The following ATXN2L variants were observed in gnomAD, a reference collection of about 807,000 sequenced individuals.
ATXN2L encodes ataxin 2 like.
A neutral mutation model predicts 120.7 loss-of-function variants in ATXN2L; 24 were observed. That is an observed-to-expected ratio of 0.20 (90% CI 0.14 to 0.28). The LOEUF is 0.28. Among genes scored for constraint, ATXN2L ranks in the 10% least tolerant of loss-of-function variants. ATXN2L has a pLI of 1.00. For synonymous variants in ATXN2L, 653 were observed against 568.1 expected (o/e 1.15, Z -2.13); for missense variants, 1,312 against 1,432.3 (o/e 0.92, Z 1.36).
At chr16:28,834,290 G>A in intron 16 of ATXN2L, 53 bp from the exon 17 acceptor site, 2 of 1,612,072 alleles carry the variant, frequency 1.2e-6, no homozygotes, top group East Asian at 4.5e-5. Context: ...GGTCAGGCCT[G>A]TCTGGGCATT....
In ATXN2L at chr16:28,834,055, G is replaced by T; in HGVS notation, c.2026-10G>T. ...ATACAAAATAAAATTGTCCTCCCTT[G>T]TTTTTGCAGAATAAATCCACCAGTA... On this transcript the variant is annotated splice_polypyrimidine_tract_variant and intron_variant, in intron 15 of 21. Transcript: ENST00000336783. 1 of 1,611,122 alleles carries T rather than the reference G, an allele frequency of 6.2e-7. No individual in the cohort carries two copies. The highest frequency in any genetic ancestry group is 8.5e-7 in the Non-Finnish European group (1 of 1,179,004).
intron 8 of ATXN2L, among the ~76,000 whole-genome samples, chr16:28,830,343 C>T (rs774020122): frequency 3.3e-5 from 5 of 152,004 alleles, no homozygotes; most frequent in African/African-American, 4.8e-5. Context: ...CCTGGAACTA[C>T]GGTGTGATCC....
At chr16:28,824,776 C>T (rs1380924212) in intron 1 of ATXN2L, 1 of 204,282 alleles carries the variant, frequency 4.9e-6, no homozygotes, top group Non-Finnish European at 9.7e-6. Context: ...GCCTGCAGCC[C>T]TAGCCCCTTT....
intron 1 of ATXN2L, among the ~76,000 whole-genome samples, 148 bp from the exon 2 acceptor site, chr16:28,825,195 CAACAGAGGGAGACCCTGTCTCAA>C (rs1359539884): frequency 6.6e-6 from 1 of 152,120 alleles, no homozygotes; most frequent in Non-Finnish European, 1.5e-5. Flanking sequence ...CCAGCCTGGG[CAACAGAGGGAGACCCTGTCTCAA>C]AAAAAATAGA....
chr16:28,832,922 A>G, intron 13 of ATXN2L, 35 bp downstream of exon 13: 2 of 1,611,898 alleles, frequency 1.2e-6, no homozygotes, highest in Non-Finnish European at 1.7e-6. Context: ...TTAGCAGGGT[A>G]AAGGGGTTGG....
intron 1 of ATXN2L, chr16:28,823,968 A>T: frequency 2.5e-6 from 1 of 396,026 alleles, no homozygotes; most frequent in Non-Finnish European, 3.5e-6. Flanking sequence ...GCCGTAGCCA[A>T]TGGAGGGGGG....
chr16:28,828,604 A>G (rs2053157286), intron 6 of ATXN2L, among the ~76,000 whole-genome samples: 1 of 152,068 alleles, frequency 6.6e-6, no homozygotes, highest in South Asian at 2.1e-4. Context: ...AAAAAAAAAA[A>G]AATTGCAGTT....
intron 7 of ATXN2L, 90 bp from the exon 8 acceptor site, chr16:28,829,768 C>T (rs567101606): frequency 2.9e-6 from 4 of 1,360,080 alleles, no homozygotes; most frequent in East Asian, 2.3e-5. Flanking sequence ...CATGCCTGAA[C>T]TGGTGATTGG....
At position 28,826,269 on chromosome 16, in the gene ATXN2L, G is replaced by A. The variant is rs1209623440; in HGVS notation, c.495G>A (p.Arg165=). The change falls in exon 5 of 22, where the codon CGG becomes CGA. Residue 165 remains arginine, a synonymous_variant. Coordinates refer to ENST00000336783, the MANE Select transcript of ATXN2L (RefSeq NM_007245.4). ...KFELAVDAVH[R]KASEPAGGPR... is the part of the protein sequence containing the mutation. ...AACTAGCCGTGGATGCTGTGCACCG[G>A]AAAGCATCTGAGCCAGCAGGTGGCC... is the stretch of plus-strand genomic sequence containing the variant. 6.2e-7 allele frequency: 1 copy of A among 1,614,194 alleles called. No homozygotes were observed. Among genetic ancestry groups the A allele is most frequent in the Non-Finnish European group, 8.5e-7 (1 of 1,180,032 alleles).
At chr16:28,833,891 C>T in intron 15 of ATXN2L, 174 bp from the exon 16 acceptor site, 1 of 794,354 alleles carries the variant, frequency 1.3e-6, no homozygotes, top group Non-Finnish European at 2.0e-6. Context: ...TCTGCCTCAC[C>T]TGTAACTTTA....
At position 28,823,561 on chromosome 16, in the gene ATXN2L, G is replaced by T; in HGVS notation, c.299+3G>T. 2 of 1,344,364 alleles carry T rather than the reference G, an allele frequency of 1.5e-6. No homozygotes were observed. The highest frequency in any genetic ancestry group is 3.6e-5 in the South Asian group (2 of 55,080). 83.3% of individuals were successfully genotyped at this position (1,344,364 alleles called of 1,614,324 possible). On this transcript the variant is annotated splice_donor_region_variant and intron_variant, in intron 1 of 21. Coordinates refer to ENST00000336783, the MANE Select transcript of ATXN2L (RefSeq NM_007245.4). ...GCAGCCGCCATCGGCAGCGCCAGGT[G>T]AGAAGGGTGGGCTCCGGGCGAGGGA...
Position 28,832,795 on chromosome 16 carries a change from C to T in ATXN2L, c.1589-22C>T, listed in dbSNP as rs577932113. 2.5e-6 allele frequency: 4 copies of T among 1,612,308 alleles called. No individual in the cohort carries two copies. The East Asian group carries it at 8.9e-5, about 36-fold the overall frequency. On this transcript the variant is annotated intron_variant, in intron 12 of 21. Coordinates refer to ENST00000336783, the MANE Select transcript of ATXN2L (RefSeq NM_007245.4). ...GAGAAAGAATGTTTTGTATTTTCTT[C>T]TTTTTGACTGTTTTCTCATAGTCCC...
intron 10 of ATXN2L, among the ~76,000 whole-genome samples, chr16:28,831,734 A>G (rs1477439664): frequency 6.6e-6 from 1 of 152,140 alleles, no homozygotes; most frequent in Non-Finnish European, 1.5e-5. Flanking sequence ...AAATAAAAAG[A>G]TTAGCTAGGC....
In ATXN2L at chr16:28,829,951, C is replaced by T. The variant is rs1396135946; in HGVS notation, c.927C>T (p.Tyr309=). The change falls in exon 8 of 22, where the codon TAC becomes TAT. Residue 309 remains tyrosine, a synonymous_variant. Coordinates refer to ENST00000336783, the MANE Select transcript of ATXN2L (RefSeq NM_007245.4). ...GAGAGATTGAATCAAGCCCCCAGTA[C>T]CGCCTACGGATCGCCATGGAGAACG... The part of the protein sequence containing the change: ...LAREIESSPQ[Y]RLRIAMENDD... The T allele has an allele frequency of 1.2e-6, 2 of 1,614,236 alleles. No homozygotes were observed. Among genetic ancestry groups the T allele is most frequent in the Non-Finnish European group, 1.7e-6 (2 of 1,180,048 alleles).
rs1218057917 is a variant in ATXN2L, at chr16:28,832,342, C to A, written c.1459C>A (p.Pro487Thr). Residue 487 changes from proline to threonine, a missense_variant, in exon 11 of 22, where the codon CCT (proline) becomes ACT (threonine). Physicochemically the swap from Pro to Thr is conservative, Grantham distance 38 (BLOSUM62 -1). Coordinates refer to ENST00000336783, the MANE Select transcript of ATXN2L (RefSeq NM_007245.4). ...SIPVTSSVSD[P>T]GVGSISPASP... ...CCCTGTGACCTCATCAGTCTCAGAT[C>A]CTGGAGTGGGCTCCATTTCTCCAGC... The A allele has an allele frequency of 3.7e-6, 6 of 1,614,204 alleles. No homozygotes were observed. The highest frequency in any genetic ancestry group is 1.3e-5 in the African/African-American group (1 of 75,042).
rs2055294091 is a variant in ATXN2L, at chr16:28,833,488, A to G, written c.2005A>G (p.Thr669Ala). ...LNPNAKEFNP[T>A]KPLLSVNKST... Reference sequence around the variant, plus strand: ...CCCTAATGCTAAGGAGTTCAATCCTACAAAGCCTCTGCTGTCTGTGGTGAG... The same window carrying G: ...CCCTAATGCTAAGGAGTTCAATCCTGCAAAGCCTCTGCTGTCTGTGGTGAG... Residue 669 changes from threonine to alanine, a missense_variant, in exon 15 of 22, where the codon ACA (threonine) becomes GCA (alanine). By Grantham distance (58) the Thr-to-Ala change is moderately conservative (BLOSUM62 0). Transcript: ENST00000336783. 9 of 1,614,092 alleles carry G rather than the reference A, an allele frequency of 5.6e-6. No individual in the cohort carries two copies. Among genetic ancestry groups the G allele is most frequent in the African/African-American group, 4.0e-5 (3 of 74,930 alleles).
chr16:28,826,104 T>C (rs2051850065), intron 4 of ATXN2L, 136 bp from the exon 5 acceptor site: 3 of 1,046,914 alleles, frequency 2.9e-6, no homozygotes, highest in Admixed American at 2.4e-5. Flanking sequence ...GTTCCAAGCA[T>C]GTTGAGGATG....
intron 7 of ATXN2L, 114 bp downstream of exon 7, chr16:28,829,606 C>T (rs1024292997): frequency 2.3e-6 from 2 of 861,078 alleles, no homozygotes; most frequent in Non-Finnish European, 3.8e-6. Context: ...TGTCCAGGGT[C>T]GCCATCCCTA....
At chr16:28,834,899 T>A in intron 18 of ATXN2L, 159 bp from the exon 19 acceptor site, 1 of 1,181,606 alleles carries the variant, frequency 8.5e-7, no homozygotes, top group South Asian at 1.5e-5. Flanking sequence ...ATCTCTGAAG[T>A]GTAGAGAAAA....
Sources: allele counts gnomAD v4.1 joint callset (sites outside exome capture counted in the v4.1 genomes callset), GRCh38; gene constraint gnomAD v4.1.1; transcripts MANE v1.5; gene names NCBI Gene and HGNC (gene_info 2026-07-23, HGNC 2026-07-21).